The following CALN1 variants were observed in gnomAD, a reference collection of about 807,000 sequenced individuals.
CALN1 encodes calneuron 1.
In CALN1, 17 loss-of-function variants were observed where a neutral mutation model predicts 30.6. That is an observed-to-expected ratio of 0.56 (90% confidence interval 0.38 to 0.83). The LOEUF (loss-of-function observed/expected upper bound fraction) is 0.83, where lower values mean the gene tolerates loss of function less well. Ranked by LOEUF, CALN1 falls within the 40% of genes least tolerant of loss-of-function variation. CALN1 has a pLI of 0.00. For missense variants in CALN1, 291 were observed against 354.9 expected (o/e 0.82, Z 1.45); for synonymous variants, 156 against 131.4 (o/e 1.19, Z -1.28).
At chr7:72,164,363 AAAAAAGAAG>A (rs1563112651) in intron 3 of CALN1, among the ~76,000 whole-genome samples, 3 of 148,012 alleles carry the variant, frequency 2.0e-5, no homozygotes. Context: ...AAAAAAAAAA[AAAAAAGAAG>A]AAGAAGAAGA....
chr7:72,050,030 G>A (rs1802739117), intron 4 of CALN1, among the ~76,000 whole-genome samples: 1 of 151,642 alleles, frequency 6.6e-6, no homozygotes. Flanking sequence ...TGTTGGTCAG[G>A]CTGGTCTTGA....
intron 1 of CALN1, among the ~76,000 whole-genome samples, chr7:72,411,838 T>C (rs1807179061): frequency 6.6e-6 from 1 of 152,234 alleles, no homozygotes; most frequent in South Asian, 2.1e-4. Context: ...GTCCTGCTTT[T>C]TCCATACAGA....
At chr7:71,870,334 G>A (rs1791849466) in intron 5 of CALN1, among the ~76,000 whole-genome samples, 1 of 151,188 alleles carries the variant, frequency 6.6e-6, no homozygotes. Flanking sequence ...AGTGAGCCAA[G>A]ATGGCACCAT....
chr7:72,396,320 T>C (rs1805950578), intron 2 of CALN1, among the ~76,000 whole-genome samples: 2 of 146,504 alleles, frequency 1.4e-5, no homozygotes, highest in African/African-American at 5.1e-5. Flanking sequence ...CTACTCGGAA[T>C]GCTAAGGCAG....
chr7:72,206,168 T>C (rs1274188466), intron 3 of CALN1, among the ~76,000 whole-genome samples: 1 of 152,218 alleles, frequency 6.6e-6, no homozygotes, highest in Non-Finnish European at 1.5e-5. Flanking sequence ...AGACGAATTT[T>C]AGAAACATTT....
chr7:71,785,099 G>A lies in CALN1; in HGVS notation c.*2676C>T, dbSNP rs1792916562. 2.6e-6 allele frequency: 1 copy of A among 384,996 alleles called. No individual in the cohort carries two copies. Among genetic ancestry groups the A allele is most frequent in the South Asian group, 1.4e-4 (1 of 6,916 alleles). The allele number at this position is 384,996 out of a possible 1,614,324, so 23.8% of individuals were successfully genotyped here. A position where few individuals can be genotyped will look rare whatever the true frequency, so the allele number is the denominator to read the frequency against. On this transcript the variant is annotated 3_prime_UTR_variant, in exon 7 of 7. Coordinates refer to ENST00000395275, the MANE Select transcript of CALN1 (RefSeq NM_031468.4). ...CCACGCACTGTGTCCTTCAGTCCCTGGGTGCCACATGGGGGGTTACCACAG... is the reference window on the plus strand; with the variant it reads ...CCACGCACTGTGTCCTTCAGTCCCTAGGTGCCACATGGGGGGTTACCACAG...
chr7:71,932,233 T>A (rs1795592091), intron 5 of CALN1, among the ~76,000 whole-genome samples: 1 of 152,130 alleles, frequency 6.6e-6, no homozygotes, highest in Non-Finnish European at 1.5e-5. Context: ...CAGGCTGGAG[T>A]ACAGTGATCA....
At chr7:72,405,971 C>T (rs1323644816) in intron 1 of CALN1, among the ~76,000 whole-genome samples, 3 of 152,162 alleles carry the variant, frequency 2.0e-5, no homozygotes, top group Non-Finnish European at 4.4e-5. Flanking sequence ...GCCCAATACA[C>T]TTAATGACCT....
At chr7:72,328,128 G>C (rs558127395) in intron 2 of CALN1, among the ~76,000 whole-genome samples, 1 of 148,164 alleles carries the variant, frequency 6.7e-6, no homozygotes, top group Non-Finnish European at 1.5e-5. Context: ...AAAAAAAAAT[G>C]TTTACTTTCA....
intron 2 of CALN1, among the ~76,000 whole-genome samples, chr7:72,387,869 T>C (rs1805333364): frequency 6.6e-6 from 1 of 152,134 alleles, no homozygotes; most frequent in African/African-American, 2.4e-5. Context: ...GAACAGTGGT[T>C]ACCAGAGGTT....
intron 2 of CALN1, among the ~76,000 whole-genome samples, chr7:72,401,160 A>G (rs141615316): frequency 2.0e-5 from 3 of 152,268 alleles, no homozygotes; most frequent in Middle Eastern, 3.4e-3. Context: ...CTTTCTCTCA[A>G]GGGTCTCACA....
chr7:72,209,051 C>T (rs1381480166), intron 3 of CALN1, among the ~76,000 whole-genome samples: 2 of 85,226 alleles, frequency 2.3e-5, no homozygotes, highest in African/African-American at 9.4e-5. Context: ...TCTCCTTTTT[C>T]TCCTTCCCTC....
intron 3 of CALN1, among the ~76,000 whole-genome samples, chr7:72,226,299 C>T (rs1793674970): frequency 1.3e-5 from 2 of 151,652 alleles, no homozygotes; most frequent in Admixed American, 1.3e-4. Context: ...ACTGTTCATG[C>T]CACCGAGATG....
At chr7:72,316,073 C>T (rs1357664895) in intron 2 of CALN1, among the ~76,000 whole-genome samples, 2 of 151,864 alleles carry the variant, frequency 1.3e-5, no homozygotes, top group Admixed American at 1.3e-4. Context: ...ATCGCTTGAA[C>T]CCAGGAGGTG....
chr7:72,391,842 T>G (rs1308748142), intron 2 of CALN1, among the ~76,000 whole-genome samples: 1 of 152,114 alleles, frequency 6.6e-6, no homozygotes, highest in Non-Finnish European at 1.5e-5. Flanking sequence ...GCTGTATAAA[T>G]TACCCAGTCT....
At chr7:71,937,327 A>G (rs1054524154) in intron 5 of CALN1, among the ~76,000 whole-genome samples, 4 of 150,460 alleles carry the variant, frequency 2.7e-5, no homozygotes, top group African/African-American at 9.8e-5. Flanking sequence ...AAACAACACC[A>G]AAAAAAAACC....
At chr7:72,483,821 T>C in the CALN1 span, among the ~76,000 whole-genome samples, 196 of 150,368 alleles carry the variant, frequency 1.3e-3, no homozygotes, top group Admixed American at 2.1e-3. Context: ...TCATTTTGGA[T>C]AATTATCTTC....
chr7:72,276,182 A>T (rs1585333627), intron 3 of CALN1, among the ~76,000 whole-genome samples: 1 of 152,198 alleles, frequency 6.6e-6, no homozygotes, highest in South Asian at 2.1e-4. Flanking sequence ...TGGGTCCTGC[A>T]CGCATGGGGG....
chr7:72,043,558 C>T (rs184244485), intron 4 of CALN1, among the ~76,000 whole-genome samples: 1 of 152,184 alleles, frequency 6.6e-6, no homozygotes, highest in Non-Finnish European at 1.5e-5. Context: ...TGCTTGAGGC[C>T]AGGAGTTTGA....
Sources: allele counts gnomAD v4.1 joint callset (sites outside exome capture counted in the v4.1 genomes callset), GRCh38; gene constraint gnomAD v4.1.1; transcripts MANE v1.5; gene names NCBI Gene and HGNC (gene_info 2026-07-23, HGNC 2026-07-21).